UCHL3: variants seen among roughly 807,000 people sequenced by gnomAD.
UCHL3 encodes the protein ubiquitin C-terminal hydrolase L3.
In UCHL3, 22 loss-of-function variants were observed where a neutral mutation model predicts 35.8. The observed-to-expected ratio is 0.61, with a 90% CI of 0.44 to 0.88. UCHL3 has a LOEUF of 0.88. Among genes scored for constraint, UCHL3 ranks in the 40% least tolerant of loss-of-function variants. The probability of loss-of-function intolerance (pLI) is 0.00; values close to 1 mark genes in which losing one functional copy is unlikely to be tolerated. For missense variants in UCHL3, 229 were observed against 276.9 expected (o/e 0.83, Z 1.23); for synonymous variants, 90 against 92.8 (o/e 0.97, Z 0.17).
chr13:75,586,000 A>G (rs183783926), intron 6 of UCHL3, among the ~76,000 whole-genome samples: 51 of 152,268 alleles, frequency 3.3e-4, no homozygotes, highest in Non-Finnish European at 6.9e-4. Flanking sequence ...ATCCAGCCAT[A>G]TAAAACATCA....
chr13:75,567,191 A>C, intron 4 of UCHL3, 36 bp from the exon 5 acceptor site: 1 of 1,585,366 alleles, frequency 6.3e-7, no homozygotes, highest in South Asian at 1.1e-5. Context: ...CTGCTGTATC[A>C]AGCCTTTTTA....
At position 75,587,928 on chromosome 13, in the gene UCHL3, T is replaced by A. The variant is rs570651298; in HGVS notation, c.475-6987T>A. Among the ~76,000 whole-genome samples, 10 of 152,274 alleles carry A rather than the reference T, an allele frequency of 6.6e-5. No individual in the cohort carries two copies. The South Asian group carries it at 1.9e-3, about 28-fold the overall frequency. On this transcript the variant is annotated intron_variant, in intron 6 of 8. Transcript: ENST00000377595. Reference sequence around the variant, plus strand: ...ATTCCTCTCTTGTAACACAGCCTATTCTTTTGCAACCATCCACCCTAGCTC... The same window carrying A: ...ATTCCTCTCTTGTAACACAGCCTATACTTTTGCAACCATCCACCCTAGCTC...
intron 7 of UCHL3, among the ~76,000 whole-genome samples, chr13:75,598,665 T>G (rs1276933923): frequency 1.3e-5 from 2 of 152,240 alleles, no homozygotes; most frequent in East Asian, 1.9e-4. Flanking sequence ...GAAATAATGC[T>G]GCGTTCTTCT....
At chr13:75,565,930 G>T (rs534223689) in intron 3 of UCHL3, among the ~76,000 whole-genome samples, 7 of 152,100 alleles carry the variant, frequency 4.6e-5, no homozygotes, top group Non-Finnish European at 1.0e-4. Flanking sequence ...CAGCTATAGA[G>T]CCCACATTTT....
At chr13:75,584,222 G>T (rs968282725) in intron 6 of UCHL3, among the ~76,000 whole-genome samples, 10 of 152,064 alleles carry the variant, frequency 6.6e-5, no homozygotes, top group African/African-American at 2.4e-4. Flanking sequence ...CAACAACAAA[G>T]AATGCCTCCA....
chr13:75,600,623 C>T (rs1333028839), intron 7 of UCHL3, among the ~76,000 whole-genome samples: 1 of 152,174 alleles, frequency 6.6e-6, no homozygotes, highest in Non-Finnish European at 1.5e-5. Context: ...ACGTACTGCT[C>T]AGAAAAAGAT....
At chr13:75,569,334 C>G (rs185131591) in intron 5 of UCHL3, 126 bp from the exon 6 acceptor site, 4 of 655,088 alleles carry the variant, frequency 6.1e-6, no homozygotes, top group Admixed American at 3.3e-5. Context: ...CTAAGCTTTT[C>G]TTAAATTTCC....
intron 6 of UCHL3, among the ~76,000 whole-genome samples, chr13:75,577,983 A>G (rs9543982): frequency 0.99 from 150,791 of 152,218 alleles, 74,707 homozygotes; most frequent in Middle Eastern, 1. Context: ...TAAATTAATA[A>G]TAATAATGAA....
intron 6 of UCHL3, among the ~76,000 whole-genome samples, chr13:75,592,446 A>ACATATATATATATATATATGTATATATG (rs1555276762): frequency 1.4e-5 from 1 of 71,072 alleles, no homozygotes; most frequent in African/African-American, 4.1e-5. Flanking sequence ...ATATATATAT[A>ACATATATATATATATATATGTATATATG]TATATATATA....
Position 75,569,526 on chromosome 13 carries a change from A to G in UCHL3, c.474+19A>G. ...GACTGAGGTATTTCACATTTTTTCT[A>G]AATTTTTCTTGCTATAAATTTAACC... On this transcript the variant is annotated intron_variant, in intron 6 of 8. Coordinates refer to ENST00000377595, the MANE Select transcript of UCHL3 (RefSeq NM_006002.5). 1.2e-6 allele frequency: 2 copies of G among 1,602,122 alleles called. No individual in the cohort carries two copies. Among genetic ancestry groups the G allele is most frequent in the South Asian group, 2.3e-5 (2 of 87,892 alleles).
intron 7 of UCHL3, among the ~76,000 whole-genome samples, chr13:75,595,597 C>CAAAAAAAAAAAAAAAAA (rs58733406): frequency 4.4e-5 from 2 of 45,658 alleles, no homozygotes; most frequent in Admixed American, 4.0e-4. Context: ...TACTCCATCT[C>CAAAAAAAAAAAAAAAAA]AAAAAAAAAA....
chr13:75,594,890 T>C, intron 6 of UCHL3, 25 bp from the exon 7 acceptor site: 1 of 1,568,304 alleles, frequency 6.4e-7, no homozygotes, highest in African/African-American at 1.4e-5. Flanking sequence ...ATGTATATAA[T>C]ACCTATTTTT....
At chr13:75,581,599 C>T (rs1316109019) in intron 6 of UCHL3, among the ~76,000 whole-genome samples, 2 of 146,624 alleles carry the variant, frequency 1.4e-5, no homozygotes, top group East Asian at 4.0e-4. Context: ...CTCAAGTGAT[C>T]TTTCTGCCCT....
At chr13:75,592,433 T>C (rs111332834) in intron 6 of UCHL3, among the ~76,000 whole-genome samples, 10 of 99,092 alleles carry the variant, frequency 1.0e-4, no homozygotes, top group African/African-American at 3.6e-4. Flanking sequence ...TATATATATA[T>C]ATATATATAT....
chr13:75,593,615 A>G (rs956591900), intron 6 of UCHL3, among the ~76,000 whole-genome samples: 12 of 152,320 alleles, frequency 7.9e-5, no homozygotes, highest in Admixed American at 5.9e-4. Context: ...ATAAAACTAG[A>G]TAACTCTGAT....
At chr13:75,566,420 C>A (rs1373252343) in intron 3 of UCHL3, among the ~76,000 whole-genome samples, 1 of 152,166 alleles carries the variant, frequency 6.6e-6, no homozygotes, top group Non-Finnish European at 1.5e-5. Flanking sequence ...AATGTTAATA[C>A]ATATTGCCAT....
chr13:75,553,858 C>T (rs1443158970), intron 2 of UCHL3, among the ~76,000 whole-genome samples: 2 of 152,202 alleles, frequency 1.3e-5, no homozygotes, highest in African/African-American at 4.8e-5. Flanking sequence ...TCTTCCCCAT[C>T]TTCCAAGGGC....
intron 6 of UCHL3, among the ~76,000 whole-genome samples, chr13:75,576,948 C>T (rs2032041922): frequency 6.6e-6 from 1 of 151,474 alleles, no homozygotes; most frequent in Non-Finnish European, 1.5e-5. Flanking sequence ...TTCAACCAAC[C>T]ACTTAATGAA....
At chr13:75,593,862 A>G (rs748353238) in intron 6 of UCHL3, among the ~76,000 whole-genome samples, 5 of 152,204 alleles carry the variant, frequency 3.3e-5, no homozygotes, top group Non-Finnish European at 7.3e-5. Flanking sequence ...TATTACAACT[A>G]CTTGAAAATA....
Sources: gnomAD v4.1 joint callset for allele counts (sites outside exome capture counted in the v4.1 genomes callset) on GRCh38, gnomAD v4.1.1 for gene constraint, MANE v1.5 for transcripts, NCBI Gene and HGNC (gene_info 2026-07-23, HGNC 2026-07-21) for gene names.